The following MCF2L variants were observed in gnomAD, a reference collection of about 807,000 sequenced individuals.
MCF2L encodes the protein MCF.2 cell line derived transforming sequence like.
A neutral mutation model predicts 153.4 loss-of-function variants in MCF2L; 97 were observed. The observed-to-expected ratio is 0.63, with a 90% CI of 0.54 to 0.75. The LOEUF (loss-of-function observed/expected upper bound fraction) is 0.75. MCF2L is among the 30% of genes least tolerant of loss of function. The pLI, the probability that MCF2L is intolerant of heterozygous loss-of-function variation, is 0.00. For missense variants in MCF2L, 1,347 were observed against 1,495.2 expected (o/e 0.90, Z 1.64); for synonymous variants, 659 against 632.2 (o/e 1.04, Z -0.64).
intron 2 of MCF2L, chr13:112,909,428 G>A: frequency 1.4e-6 from 1 of 700,860 alleles, no homozygotes; most frequent in South Asian, 1.6e-5. Flanking sequence ...TTTGGGGCAG[G>A]CCTGAGCATT....
chr13:113,087,172 G>A (rs1566873984), intron 21 of MCF2L, 63 bp from the exon 22 acceptor site: 9 of 1,405,446 alleles, frequency 6.4e-6, no homozygotes, highest in East Asian at 4.8e-5. Flanking sequence ...TTCACTCAGC[G>A]ATGCGCGTCC....
rs150599249 is a variant in MCF2L at position 113,050,230 on chromosome 13, G to A, written c.369+4869G>A. Among the ~76,000 whole-genome samples the A allele has an allele frequency of 2.6e-5, 4 of 151,634 alleles. No homozygotes were observed. The East Asian group carries it at 5.8e-4, about 22-fold the overall frequency. ...TAAGTGAATGTGAGACTGTGTGAGT[G>A]TGTGAGTGTGTGCGCGAGTGGGAGT... is the stretch of plus-strand genomic sequence containing the variant. On this transcript the variant is annotated intron_variant, in intron 4 of 29. Coordinates refer to ENST00000535094, the MANE Select transcript of MCF2L (RefSeq NM_001112732.3).
intron 3 of MCF2L, among the ~76,000 whole-genome samples, chr13:113,033,283 T>TGGCGTGAGTGGCCCCC (rs2085879324): frequency 5.6e-5 from 1 of 17,756 alleles, no homozygotes; most frequent in Non-Finnish European, 1.1e-4. Context: ...GAGTGGCCCC[T>TGGCGTGAGTGGCCCCC]GTGACATTAG....
At chr13:112,916,774 C>T (rs1286819226) in intron 2 of MCF2L, among the ~76,000 whole-genome samples, 1 of 152,144 alleles carries the variant, frequency 6.6e-6, no homozygotes, top group African/African-American at 2.4e-5. Flanking sequence ...CAGCTCACGC[C>T]TTGCTTCTCC....
At chr13:112,900,967 A>G (rs1219831260) in intron 1 of MCF2L, among the ~76,000 whole-genome samples, 2 of 152,070 alleles carry the variant, frequency 1.3e-5, no homozygotes, top group Non-Finnish European at 1.5e-5. Flanking sequence ...ATGTCCCAGC[A>G]GGGGCCTCTG....
chr13:112,987,341 T>TG (rs2082691018), intron 1 of MCF2L, among the ~76,000 whole-genome samples: 1 of 152,256 alleles, frequency 6.6e-6, no homozygotes, highest in African/African-American at 2.4e-5. Context: ...GGGCTCGTTG[T>TG]CTGCCCCCTG....
chr13:112,913,962 T>C (rs1566633878), intron 2 of MCF2L, among the ~76,000 whole-genome samples: 1 of 152,212 alleles, frequency 6.6e-6, no homozygotes, highest in Admixed American at 6.5e-5. Flanking sequence ...CCCCAATGCC[T>C]GCACCTCGAG....
At chr13:112,972,767 G>GTA (rs2082088872) in intron 1 of MCF2L, among the ~76,000 whole-genome samples, 1 of 674 alleles carries the variant, frequency 1.5e-3, no homozygotes, top group Non-Finnish European at 2.5e-3. Flanking sequence ...ATGGAGGGAG[G>GTA]GAGGGATGGA....
In MCF2L at chr13:112,969,661, G is replaced by T. The variant is rs949933047; in HGVS notation, c.79+203G>T. On this transcript the variant is annotated intron_variant, in intron 1 of 29. Transcript: ENST00000535094. This position sits in a 1 kb window ranked among gnomAD's most constrained non-coding sequence, Gnocchi z 4.8. ...GTATGCTGCCCGGGATAGTCAAAAT[G>T]ACTGCACGTTGGTGACACTGGCTCT... 2.3e-6 allele frequency: 1 copy of T among 438,166 alleles called. No individual in the cohort carries two copies. 27.1% of individuals were successfully genotyped at this position (438,166 alleles called of 1,614,324 possible).
Position 113,094,540 on chromosome 13 carries a change from G to A in MCF2L, c.2980G>A (p.Glu994Lys). 1 of 1,612,400 alleles carries A rather than the reference G, an allele frequency of 6.2e-7. No homozygotes were observed. Among genetic ancestry groups the A allele is most frequent in the African/African-American group, 1.3e-5 (1 of 75,052 alleles). The stretch of plus-strand genomic sequence containing the variant: ...TTGGAGCAAAACGTCCCACTCACTG[G>A]AGGCACCTGAGGACGACGGGGGCTG... Reference protein sequence around the residue: ...KGWSKTSHSLEAPEDDGGWSS... With the variant: ...KGWSKTSHSLKAPEDDGGWSS... The change falls in exon 27 of 30, where the codon GAG becomes AAG. Residue 994 changes from glutamate (E) to lysine (K), a missense_variant. Physicochemically the swap from Glu to Lys is moderately conservative, Grantham distance 56. Coordinates refer to ENST00000535094, the MANE Select transcript of MCF2L (RefSeq NM_001112732.3).
intron 17 of MCF2L, among the ~76,000 whole-genome samples, chr13:113,083,035 AGC>A (rs923668418): frequency 6.6e-6 from 1 of 152,152 alleles, no homozygotes; most frequent in Non-Finnish European, 1.5e-5. Flanking sequence ...TTGTCCCCCG[AGC>A]GACCCGTGGC....
At chr13:112,962,784 C>G in intron 2 of MCF2L, among the ~76,000 whole-genome samples, 1 of 152,294 alleles carries the variant, frequency 6.6e-6, no homozygotes, top group East Asian at 1.9e-4. Flanking sequence ...TGTGCACCGG[C>G]TCTGCCCCTT....
intron 1 of MCF2L, among the ~76,000 whole-genome samples, chr13:112,988,420 T>G (rs2082737365): frequency 6.6e-6 from 1 of 152,196 alleles, no homozygotes; most frequent in Admixed American, 6.5e-5. Flanking sequence ...GCGGAGCTGG[T>G]GCCTGTGGGT....
intron 1 of MCF2L, among the ~76,000 whole-genome samples, chr13:112,895,180 T>C (rs2081054637): frequency 6.6e-6 from 1 of 151,982 alleles, no homozygotes. Context: ...CAGACCCTTA[T>C]ATAGGATGCT....
chr13:113,020,410 C>T (rs1041834256), intron 2 of MCF2L, among the ~76,000 whole-genome samples: 19 of 152,234 alleles, frequency 1.2e-4, no homozygotes, highest in African/African-American at 3.1e-4. Flanking sequence ...GACGCGTGTG[C>T]GTGTGTGTAT....
rs1594424633 is a variant in MCF2L at position 112,973,256 on chromosome 13, T to C, written c.79+3798T>C. Among the ~76,000 whole-genome samples, 3 of 152,306 alleles carry C rather than the reference T, an allele frequency of 2.0e-5. No homozygotes were observed. In the South Asian group the frequency reaches 6.2e-4, roughly 32 times the overall value. On this transcript the variant is annotated intron_variant, in intron 1 of 29. Transcript: ENST00000535094. The stretch of plus-strand genomic sequence containing the variant: ...CAAGGAGCCATGATTTCTTTGTCCA[T>C]TTTTTAAATGTGCTGAGGCCCTTTA...
At chr13:112,926,245 C>T (rs1319944373) in intron 2 of MCF2L, among the ~76,000 whole-genome samples, 2 of 151,956 alleles carry the variant, frequency 1.3e-5, no homozygotes, top group African/African-American at 4.8e-5. Context: ...TCTATATACA[C>T]AGCGGAGTGC....
At chr13:112,897,587 A>G (rs2081080190) in intron 1 of MCF2L, among the ~76,000 whole-genome samples, 1 of 152,244 alleles carries the variant, frequency 6.6e-6, no homozygotes, top group Non-Finnish European at 1.5e-5. Context: ...CTGTTGAGAA[A>G]GTGAAGAGCA....
intron 26 of MCF2L, 60 bp from the exon 27 acceptor site, chr13:113,094,454 G>T: frequency 6.5e-7 from 1 of 1,548,056 alleles, no homozygotes; most frequent in South Asian, 1.3e-5. Flanking sequence ...CCCCACCTCA[G>T]ACAGATGCAG....
Sources: allele counts gnomAD v4.1 joint callset (sites outside exome capture counted in the v4.1 genomes callset), GRCh38; gene constraint gnomAD v4.1.1; non-coding constraint Gnocchi (gnomAD v3.1); transcripts MANE v1.5; gene names NCBI Gene and HGNC (gene_info 2026-07-23, HGNC 2026-07-21).